Variants in PKP4 observed in about 807,000 individuals in gnomAD.
PKP4 encodes plakophilin-4.
Under a neutral mutation model 145.1 loss-of-function variants are expected in PKP4, and 90 were observed. The ratio of observed to expected loss-of-function variants is 0.62; its 90% CI spans 0.52 to 0.74. The LOEUF (loss-of-function observed/expected upper bound fraction) is 0.74. PKP4 is among the 30% of genes least tolerant of loss of function. PKP4 has a pLI of 0.00. For missense variants in PKP4, 1,340 were observed against 1,482.7 expected (o/e 0.90, Z 1.58); for synonymous variants, 563 against 577.2 (o/e 0.98, Z 0.35).
At chr2:158,554,601 A>G (rs1379200790) in intron 2 of PKP4, among the ~76,000 whole-genome samples, 2 of 151,572 alleles carry the variant, frequency 1.3e-5, no homozygotes, top group Non-Finnish European at 2.9e-5. Flanking sequence ...AATTTTTTGT[A>G]TTTTTAGTAA....
chr2:158,465,830 C>T (rs1476428465), intron 1 of PKP4, among the ~76,000 whole-genome samples: 1 of 152,122 alleles, frequency 6.6e-6, no homozygotes, highest in African/African-American at 2.4e-5. Flanking sequence ...ATCACAAAAT[C>T]CAACTGGACT....
At chr2:158,637,590 T>C (rs1037378070) in intron 9 of PKP4, among the ~76,000 whole-genome samples, 1 of 152,232 alleles carries the variant, frequency 6.6e-6, no homozygotes, top group African/African-American at 2.4e-5. Context: ...GCTTCCTGTG[T>C]CTTGGTCCAG....
intron 16 of PKP4, among the ~76,000 whole-genome samples, chr2:158,667,608 T>C (rs1558984949): frequency 6.6e-6 from 1 of 152,248 alleles, no homozygotes; most frequent in East Asian, 1.9e-4. Context: ...AAAGAATTGC[T>C]GTAAGGATTA....
intron 8 of PKP4, among the ~76,000 whole-genome samples, chr2:158,633,142 A>G (rs1453454959): frequency 6.6e-6 from 1 of 152,220 alleles, no homozygotes; most frequent in East Asian, 1.9e-4. Context: ...AATGTATAAT[A>G]GTCTGTCTAT....
intron 7 of PKP4, among the ~76,000 whole-genome samples, chr2:158,629,221 C>A (rs895098407): frequency 6.6e-6 from 1 of 152,148 alleles, no homozygotes; most frequent in African/African-American, 2.4e-5. Flanking sequence ...GTGTGCTTAC[C>A]TTCCTCTTTA....
intron 1 of PKP4, among the ~76,000 whole-genome samples, chr2:158,464,483 G>C (rs1690277265): frequency 6.6e-6 from 1 of 152,136 alleles, no homozygotes; most frequent in South Asian, 2.1e-4. Context: ...AATCCGTATA[G>C]AACTCTAGTA....
chr2:158,606,654 C>T (rs1334704467), intron 4 of PKP4, among the ~76,000 whole-genome samples: 1 of 152,098 alleles, frequency 6.6e-6, no homozygotes, highest in East Asian at 1.9e-4. Flanking sequence ...GTTTTTTTAC[C>T]TTTTGAGAGA....
chr2:158,581,224 G>A (rs182686691), intron 3 of PKP4, among the ~76,000 whole-genome samples: 6 of 152,226 alleles, frequency 3.9e-5, no homozygotes, highest in East Asian at 1.9e-4. Flanking sequence ...TGCCATTTCC[G>A]ATTTGCTAAA....
At chr2:158,492,523 T>A (rs1378134493) in intron 1 of PKP4, among the ~76,000 whole-genome samples, 19 of 150,556 alleles carry the variant, frequency 1.3e-4, no homozygotes, top group Admixed American at 1.3e-3. Flanking sequence ...CCCAACCCCG[T>A]TTCCCTTTGG....
intron 2 of PKP4, among the ~76,000 whole-genome samples, chr2:158,576,116 A>G (rs1202808028): frequency 2.0e-5 from 3 of 152,164 alleles, no homozygotes; most frequent in African/African-American, 7.2e-5. Flanking sequence ...GAGTTTAGGG[A>G]CTGTTTCTTA....
rs1251520694 is a variant in PKP4, at chr2:158,459,794, C to CACACACACACACACACACG, written c.-6+2591_-6+2609dup. ...ACCCTGTTCAGATGTATGGATCACACACACACACACACACACACGACACAC... is the reference window on the plus strand; with the variant it reads ...ACCCTGTTCAGATGTATGGATCACACACACACACACACACACACGACACACACACACACACACGACACAC... On this transcript the variant is annotated intron_variant, in intron 1 of 21. Coordinates refer to ENST00000389759, the MANE Select transcript of PKP4 (RefSeq NM_003628.6). Among the ~76,000 whole-genome samples, 7 of 149,580 alleles carry CACACACACACACACACACG rather than the reference C, an allele frequency of 4.7e-5. No individual in the cohort carries two copies. In the East Asian group the frequency reaches 1.2e-3, roughly 25 times the overall value.
intron 2 of PKP4, among the ~76,000 whole-genome samples, chr2:158,536,317 A>C (rs1197884339): frequency 6.6e-6 from 1 of 152,242 alleles, no homozygotes; most frequent in Admixed American, 6.5e-5. Flanking sequence ...TATAAAAATA[A>C]GTTTTATGAA....
rs1474947515 is a variant in PKP4, at chr2:158,646,895, A to G, written c.1909+4196A>G. Reference sequence around the variant, plus strand: ...TGGACAACAAGGTTATCCAGAAAGCAGCAAGAAGTTATCTGATATAACTTG... The same window carrying G: ...TGGACAACAAGGTTATCCAGAAAGCGGCAAGAAGTTATCTGATATAACTTG... On this transcript the variant is annotated intron_variant, in intron 11 of 21. Transcript: ENST00000389759. Among the ~76,000 whole-genome samples the G allele has an allele frequency of 2.6e-5, 4 of 152,234 alleles. No homozygotes were observed. The East Asian group carries it at 7.7e-4, about 29-fold the overall frequency.
At chr2:158,584,772 T>C (rs999442666) in intron 3 of PKP4, among the ~76,000 whole-genome samples, 4 of 152,358 alleles carry the variant, frequency 2.6e-5, no homozygotes, top group East Asian at 1.9e-4. Context: ...TGAAATTTTA[T>C]AGTAAAGAAT....
intron 1 of PKP4, among the ~76,000 whole-genome samples, chr2:158,486,042 T>C (rs1694122156): frequency 3.3e-5 from 5 of 152,102 alleles, no homozygotes; most frequent in Admixed American, 3.3e-4. Flanking sequence ...AATAGTGGAG[T>C]TCAAAGTAAA....
At position 158,634,098 on chromosome 2, in the gene PKP4, C is replaced by T. The variant is rs750778479; in HGVS notation, c.1371C>T (p.Ser457=). The T allele has an allele frequency of 6.2e-7, 1 of 1,612,782 alleles. No homozygotes were observed. The highest frequency in any genetic ancestry group is 8.5e-7 in the Non-Finnish European group (1 of 1,178,784). ...SVGIGNLQRT[S]SQRSTLTYQR... is the part of the protein sequence containing the mutation. ...GTATTGGAAATCTACAAAGGACATC[C>T]AGCCAACGAAGTACCCTTACATACC... is the stretch of plus-strand genomic sequence containing the variant. Residue 457 remains serine, a synonymous_variant, in exon 9 of 22, where the codon TCC becomes TCT. Transcript: ENST00000389759.
At chr2:158,479,220 A>T (rs74466003) in intron 1 of PKP4, among the ~76,000 whole-genome samples, 5,023 of 151,882 alleles carry the variant, frequency 0.033, 188 homozygotes, top group East Asian at 0.14. Context: ...AATTTATTTT[A>T]TTATTATTAT....
At chr2:158,604,329 C>T (rs1467047320) in intron 4 of PKP4, among the ~76,000 whole-genome samples, 4 of 152,186 alleles carry the variant, frequency 2.6e-5, no homozygotes, top group Non-Finnish European at 5.9e-5. Flanking sequence ...GTCTAGAAGG[C>T]TGAATTGGCT....
At chr2:158,677,182 T>C in intron 20 of PKP4, 1 of 371,592 alleles carries the variant, frequency 2.7e-6, no homozygotes, top group Non-Finnish European at 5.2e-6. Flanking sequence ...CCCTCCTGGC[T>C]CGAGCAGTCT....
Sources: gnomAD v4.1 joint callset for allele counts (sites outside exome capture counted in the v4.1 genomes callset) on GRCh38, gnomAD v4.1.1 for gene constraint, MANE v1.5 for transcripts, NCBI Gene and HGNC (gene_info 2026-07-23, HGNC 2026-07-21) for gene names.